Variants in SLC25A42 observed in about 807,000 individuals in gnomAD.
SLC25A42 encodes solute carrier family 25 member 42.
SLC25A42 carries 19 observed loss-of-function variants against 34.7 expected under a neutral mutation model. The observed-to-expected ratio is 0.55, with a 90% CI of 0.38 to 0.80. SLC25A42 has a LOEUF of 0.80. Among genes scored for constraint, SLC25A42 ranks in the 30% least tolerant of loss-of-function variants. The pLI, the probability that SLC25A42 is intolerant of heterozygous loss-of-function variation, is 0.00. For missense variants in SLC25A42, 364 were observed against 441.3 expected, an observed-to-expected ratio of 0.82 and a Z score of 1.57; for synonymous variants, 205 against 191.2, an observed-to-expected ratio of 1.07 and a Z score of -0.59.
intron 1 of SLC25A42, among the ~76,000 whole-genome samples, chr19:19,070,761 A>C (rs2059626114): frequency 6.6e-6 from 1 of 152,076 alleles, no homozygotes; most frequent in South Asian, 2.1e-4. Context: ...ATGTCATTCA[A>C]CCCTTATACT....
chr19:19,105,629 G>C lies in SLC25A42; in HGVS notation c.282G>C (p.Ser94=), dbSNP rs779734850. 4.3e-6 allele frequency: 7 copies of C among 1,613,836 alleles called. No individual in the cohort carries two copies. Among genetic ancestry groups the C allele is most frequent in the Non-Finnish European group, 5.1e-6 (6 of 1,179,924 alleles). The change falls in exon 5 of 8, where the codon TCG becomes TCC. Residue 94 remains serine (S), a synonymous_variant. Coordinates refer to ENST00000318596, the MANE Select transcript of SLC25A42 (RefSeq NM_178526.5). ...EGFLSLWRGN[S]ATMVRVVPYA... ...TTCTCAGCTTGTGGCGCGGGAACTCGGCCACCATGGTGCGCGTGGTGCCCT... is the reference window on the plus strand; with the variant it reads ...TTCTCAGCTTGTGGCGCGGGAACTCCGCCACCATGGTGCGCGTGGTGCCCT...
intron 5 of SLC25A42, chr19:19,106,008 T>A (rs1418743399): frequency 1.8e-6 from 1 of 554,166 alleles, no homozygotes; most frequent in African/African-American, 1.9e-5. Flanking sequence ...CAGGTTACTA[T>A]GCCCCCAGGG....
chr19:19,084,942 A>G (rs2059699687), intron 1 of SLC25A42, among the ~76,000 whole-genome samples: 1 of 151,962 alleles, frequency 6.6e-6, no homozygotes, highest in South Asian at 2.1e-4. Flanking sequence ...AAAAAAAAAA[A>G]AAAAAGGTGG....
In SLC25A42 at chr19:19,110,814, G is replaced by T; in HGVS notation, c.895G>T (p.Val299Leu). 5 of 1,613,942 alleles carry T rather than the reference G, an allele frequency of 3.1e-6. No individual in the cohort carries two copies. Among genetic ancestry groups the T allele is most frequent in the African/African-American group, 1.3e-5 (1 of 75,066 alleles). ...GAACTGGGTCAAGGGTCCCATCGCC[G>T]TGGGCATCAGCTTCACCACCTTCGA... ...SMNWVKGPIA[V>L]GISFTTFDLM... The change falls in exon 8 of 8, where the codon GTG (valine) becomes TTG (leucine). Residue 299 changes from valine to leucine, a missense_variant. By Grantham distance (32) the Val-to-Leu change is conservative. Transcript: ENST00000318596.
At position 19,112,893 on chromosome 19, in the gene SLC25A42, C is replaced by T. The variant is rs1286405332; in HGVS notation, c.*2017C>T. On this transcript the variant is annotated 3_prime_UTR_variant, in exon 8 of 8. Transcript: ENST00000318596. The surrounding 1 kb of genome is among the most constrained non-coding windows in gnomAD (Gnocchi z 4.3). Reference sequence around the variant, plus strand: ...ATAAAAACTTAAATGACTTCTTCTCCTGCTCCTGGCTCTTCTTTGGCTCTG... The same window carrying T: ...ATAAAAACTTAAATGACTTCTTCTCTTGCTCCTGGCTCTTCTTTGGCTCTG... 1 of 152,752 alleles carries T rather than the reference C, an allele frequency of 6.5e-6. No individual in the cohort carries two copies. The highest frequency in any genetic ancestry group is 1.9e-4 in the East Asian group (1 of 5,200). 9.5% of individuals were successfully genotyped at this position (152,752 alleles called of 1,614,324 possible).
At chr19:19,087,474 G>A (rs757556738) in intron 1 of SLC25A42, among the ~76,000 whole-genome samples, 31 of 152,132 alleles carry the variant, frequency 2.0e-4, no homozygotes, top group Admixed American at 5.2e-4. Flanking sequence ...TTTTAGTAGA[G>A]ACGGGGTTTC....
At chr19:19,077,633 A>G (rs989061962) in intron 1 of SLC25A42, among the ~76,000 whole-genome samples, 2 of 152,194 alleles carry the variant, frequency 1.3e-5, no homozygotes, top group Non-Finnish European at 2.9e-5. Context: ...CACACGTGTA[A>G]TCCCAGCGCT....
At position 19,106,402 on chromosome 19, in the gene SLC25A42, G is replaced by T. The variant is rs1435463897; in HGVS notation, c.497+17G>T. On this transcript the variant is annotated intron_variant, in intron 6 of 7. Transcript: ENST00000318596. ...GAAGGAAATGTGAGTCCTTACATCG[G>T]TGATGCGCATCAGCCCCGGGGGCTC... 2 of 1,596,332 alleles carry T rather than the reference G, an allele frequency of 1.3e-6. No homozygotes were observed. Among genetic ancestry groups the T allele is most frequent in the Non-Finnish European group, 1.7e-6 (2 of 1,166,914 alleles).
At chr19:19,083,796 A>G (rs1335908950) in intron 1 of SLC25A42, among the ~76,000 whole-genome samples, 1 of 152,018 alleles carries the variant, frequency 6.6e-6, no homozygotes, top group African/African-American at 2.4e-5. Flanking sequence ...CTGCCCCAGC[A>G]TGCACCTCCT....
At chr19:19,084,051 C>A (rs956436069) in intron 1 of SLC25A42, among the ~76,000 whole-genome samples, 1 of 151,316 alleles carries the variant, frequency 6.6e-6, no homozygotes, top group African/African-American at 2.4e-5. Context: ...CCTGCACACA[C>A]CTGACTGCAC....
chr19:19,076,881 C>T (rs189126137), intron 1 of SLC25A42, among the ~76,000 whole-genome samples: 5 of 152,086 alleles, frequency 3.3e-5, no homozygotes, highest in South Asian at 4.1e-4. Flanking sequence ...TTTGTACTTA[C>T]GTTTCTTAAA....
intron 3 of SLC25A42, among the ~76,000 whole-genome samples, chr19:19,104,170 C>G (rs2059813591): frequency 6.6e-6 from 1 of 152,204 alleles, no homozygotes; most frequent in Non-Finnish European, 1.5e-5. Context: ...GCCTCAGCCT[C>G]CCAGAGTGCT....
At chr19:19,077,005 A>G (rs774373872) in intron 1 of SLC25A42, among the ~76,000 whole-genome samples, 1 of 151,972 alleles carries the variant, frequency 6.6e-6, no homozygotes, top group Non-Finnish European at 1.5e-5. Context: ...GCAACATAGT[A>G]AGACCCCATC....
intron 4 of SLC25A42, 109 bp from the exon 5 acceptor site, chr19:19,105,452 G>C: frequency 7.5e-7 from 1 of 1,341,524 alleles, no homozygotes; most frequent in South Asian, 1.4e-5. Context: ...GCATGGAGAT[G>C]GGGTCACCCC....
intron 1 of SLC25A42, among the ~76,000 whole-genome samples, chr19:19,093,409 C>G (rs138166822): frequency 6.6e-6 from 1 of 152,344 alleles, no homozygotes; most frequent in East Asian, 1.9e-4. Context: ...TAACCTCTCA[C>G]AGTGCTGTGC....
At chr19:19,095,992 C>G (rs116489125) in intron 1 of SLC25A42, 99 bp from the exon 2 acceptor site, 1 of 790,240 alleles carries the variant, frequency 1.3e-6, no homozygotes, top group East Asian at 2.7e-5. Flanking sequence ...CATCCCTCCC[C>G]ACGCAGGGAG....
rs975966951 is a variant in SLC25A42, at chr19:19,081,597, T to C, written c.-34-14494T>C. Among the ~76,000 whole-genome samples the C allele has an allele frequency of 6.6e-6, 1 of 152,096 alleles. No homozygotes were observed. Among genetic ancestry groups the C allele is most frequent in the Non-Finnish European group, 1.5e-5 (1 of 68,008 alleles). On this transcript the variant is annotated intron_variant, in intron 1 of 7. Transcript: ENST00000318596. This position sits in a 1 kb window ranked among gnomAD's most constrained non-coding sequence, Gnocchi z 4.5. The stretch of plus-strand genomic sequence containing the variant: ...AGAATGCCACTGAGGGTGGGGGTCA[T>C]GGGAACTGGGGCTTCCTCCCCGAAC...
rs78744359 is a variant in SLC25A42 at position 19,105,996 on chromosome 19, G to C, written c.380+269G>C. 2.9e-5 allele frequency: 16 copies of C among 555,088 alleles called. No individual in the cohort carries two copies. The East Asian group carries it at 4.8e-4, about 17-fold the overall frequency. 34.4% of individuals were successfully genotyped at this position (555,088 alleles called of 1,614,324 possible). A position where few individuals can be genotyped will look rare whatever the true frequency, so the allele number is the denominator to read the frequency against. ...CACCCCCACGCATAAATCCCAGAGG[G>C]GCAGGTTACTATGCCCCCAGGGCCG... On this transcript the variant is annotated intron_variant, in intron 5 of 7. Transcript: ENST00000318596.
intron 3 of SLC25A42, among the ~76,000 whole-genome samples, chr19:19,103,975 C>T (rs1055985821): frequency 6.6e-6 from 1 of 152,000 alleles, no homozygotes; most frequent in Admixed American, 6.6e-5. Context: ...GGTGCGATCT[C>T]GGCTCACCAC....
Sources: gnomAD v4.1 joint callset for allele counts (sites outside exome capture counted in the v4.1 genomes callset) on GRCh38, gnomAD v4.1.1 for gene constraint, Gnocchi (gnomAD v3.1) non-coding constraint, MANE v1.5 for transcripts, NCBI Gene and HGNC (gene_info 2026-07-23, HGNC 2026-07-21) for gene names.